Variants in SPIRE1 observed in about 807,000 individuals in gnomAD.
The protein encoded by SPIRE1 is protein spire homolog 1.
SPIRE1 carries 40 observed loss-of-function variants against 94.1 expected under a neutral mutation model. The ratio of observed to expected loss-of-function variants is 0.43; its 90% CI spans 0.33 to 0.55. The LOEUF (loss-of-function observed/expected upper bound fraction) is 0.55, where lower values mean the gene tolerates loss of function less well. SPIRE1 is among the 20% of genes least tolerant of loss of function. The pLI, the probability that SPIRE1 is intolerant of heterozygous loss-of-function variation, is 0.06. For missense variants in SPIRE1, 838 were observed against 975.2 expected (o/e 0.86, Z 1.87); for synonymous variants, 376 against 371.7 (o/e 1.01, Z -0.13).
chr18:12,470,428 T>A (rs1457619127), intron 10 of SPIRE1, among the ~76,000 whole-genome samples: 1 of 152,222 alleles, frequency 6.6e-6, no homozygotes, highest in Non-Finnish European at 1.5e-5. Context: ...AATGGCCCAC[T>A]GTCCCTGAAT....
intron 3 of SPIRE1, among the ~76,000 whole-genome samples, chr18:12,536,018 C>T (rs2034831292): frequency 1.3e-5 from 2 of 152,024 alleles, no homozygotes; most frequent in Admixed American, 6.6e-5. Flanking sequence ...TATCAGACAG[C>T]CAGGCAATTC....
intron 2 of SPIRE1, among the ~76,000 whole-genome samples, chr18:12,612,698 C>T (rs935986183): frequency 6.6e-6 from 1 of 152,184 alleles, no homozygotes; most frequent in African/African-American, 2.4e-5. Flanking sequence ...TACCCTACTC[C>T]TCCCCTGACT....
chr18:12,578,698 C>T (rs1181676368), intron 2 of SPIRE1, among the ~76,000 whole-genome samples: 1 of 152,070 alleles, frequency 6.6e-6, no homozygotes, highest in Non-Finnish European at 1.5e-5. Context: ...ACCCACTATC[C>T]GATGTGTAGC....
At chr18:12,452,122 A>T (rs1463581096) in intron 16 of SPIRE1, 133 bp downstream of exon 16, 2 of 1,058,772 alleles carry the variant, frequency 1.9e-6, no homozygotes, top group African/African-American at 3.2e-5. Flanking sequence ...ATTTGTGTGT[A>T]AAACTGTATT....
chr18:12,591,231 AAG>A (rs1219769628), intron 2 of SPIRE1, among the ~76,000 whole-genome samples: 1 of 152,220 alleles, frequency 6.6e-6, no homozygotes, highest in East Asian at 1.9e-4. Flanking sequence ...TATCCAGGGA[AAG>A]AGAGTTTCAG....
intron 4 of SPIRE1, among the ~76,000 whole-genome samples, chr18:12,526,056 T>TACACACACACACACACACACAC (rs56263373): frequency 0.053 from 6,533 of 122,496 alleles, 355 homozygotes; most frequent in Non-Finnish European, 0.062. Flanking sequence ...ATACTGAAGA[T>TACACACACACACACACACACAC]ACACACACAC....
intron 2 of SPIRE1, among the ~76,000 whole-genome samples, chr18:12,551,559 G>A (rs999089584): frequency 2.0e-4 from 30 of 152,036 alleles, no homozygotes; most frequent in Non-Finnish European, 4.0e-4. Flanking sequence ...AACAAAATTA[G>A]CCGGGCGTGG....
Position 12,449,484 on chromosome 18 carries a change from T to C in SPIRE1, c.*154A>G. The C allele has an allele frequency of 2.6e-6, 2 of 756,524 alleles. No homozygotes were observed. Among genetic ancestry groups the C allele is most frequent in the Non-Finnish European group, 4.2e-6 (2 of 475,772 alleles). The allele number at this position is 756,524 out of a possible 1,614,324, so 46.9% of individuals were successfully genotyped here. ...TTCATCAATCGATACGAACACAGCATTCAGTCTGTGGAACAATGTGATGCG... is the reference window on the plus strand; with the variant it reads ...TTCATCAATCGATACGAACACAGCACTCAGTCTGTGGAACAATGTGATGCG... On this transcript the variant is annotated 3_prime_UTR_variant, in exon 17 of 17. Transcript: ENST00000409402.
At chr18:12,498,309 G>A (rs2033532743) in intron 6 of SPIRE1, among the ~76,000 whole-genome samples, 1 of 152,174 alleles carries the variant, frequency 6.6e-6, no homozygotes. Flanking sequence ...AATGAGAAAT[G>A]ATTCCTGGAT....
intron 2 of SPIRE1, among the ~76,000 whole-genome samples, chr18:12,552,314 GCTAAAAGAGTACTTGCA>G (rs1399493532): frequency 1.3e-5 from 2 of 152,200 alleles, no homozygotes; most frequent in African/African-American, 4.8e-5. Context: ...AGCCAGGATG[GCTAAAAGAGTACTTGCA>G]CTATCCCTCT....
chr18:12,515,201 C>G (rs941746241), intron 4 of SPIRE1, among the ~76,000 whole-genome samples: 8 of 152,058 alleles, frequency 5.3e-5, no homozygotes, highest in African/African-American at 1.4e-4. Context: ...TCTTTATAAG[C>G]CCATACTTTT....
intron 2 of SPIRE1, among the ~76,000 whole-genome samples, chr18:12,603,256 T>C (rs756437801): frequency 7.8e-4 from 118 of 152,232 alleles, no homozygotes; most frequent in Non-Finnish European, 1.6e-3. Flanking sequence ...TTATCACTTC[T>C]ACACCATCAT....
chr18:12,624,671 C>T (rs779178750), intron 2 of SPIRE1, among the ~76,000 whole-genome samples: 4 of 150,818 alleles, frequency 2.7e-5, no homozygotes, highest in Non-Finnish European at 4.4e-5. Flanking sequence ...CCCATCTCTA[C>T]TAAAAATACA....
At chr18:12,600,435 G>A (rs2144634946) in intron 2 of SPIRE1, among the ~76,000 whole-genome samples, 1 of 152,296 alleles carries the variant, frequency 6.6e-6, no homozygotes, top group Middle Eastern at 3.4e-3. Context: ...TTTTGCCTTT[G>A]AAATCAACAG....
chr18:12,502,095 G>A (rs568396322), intron 6 of SPIRE1, among the ~76,000 whole-genome samples: 4 of 152,176 alleles, frequency 2.6e-5, no homozygotes, highest in South Asian at 2.1e-4. Flanking sequence ...CTCATCTAGG[G>A]TGCTTATAAC....
chr18:12,625,148 G>T (rs550068230), intron 2 of SPIRE1, among the ~76,000 whole-genome samples: 1 of 152,190 alleles, frequency 6.6e-6, no homozygotes, highest in African/African-American at 2.4e-5. Flanking sequence ...TCTAAGTGGA[G>T]ATTATCTATT....
At chr18:12,606,658 G>C (rs1394327890) in intron 2 of SPIRE1, among the ~76,000 whole-genome samples, 1 of 151,904 alleles carries the variant, frequency 6.6e-6, no homozygotes, top group Non-Finnish European at 1.5e-5. Context: ...AGCCTCCCGA[G>C]TAGCTGGGAT....
chr18:12,605,464 C>T (rs537861471), intron 2 of SPIRE1, among the ~76,000 whole-genome samples: 2 of 152,270 alleles, frequency 1.3e-5, no homozygotes, highest in East Asian at 3.9e-4. Flanking sequence ...TGAGATCCCG[C>T]CACTGCCCTC....
chr18:12,540,392 T>G (rs572266269), intron 3 of SPIRE1, among the ~76,000 whole-genome samples: 64 of 152,202 alleles, frequency 4.2e-4, no homozygotes, highest in Non-Finnish European at 8.8e-4. Context: ...ACTTTTTTTT[T>G]GAAATGGGGT....
Sources: gnomAD v4.1 joint callset for allele counts (sites outside exome capture counted in the v4.1 genomes callset) on GRCh38, gnomAD v4.1.1 for gene constraint, MANE v1.5 for transcripts, NCBI Gene and HGNC (gene_info 2026-07-23, HGNC 2026-07-21) for gene names.